Variants in ATRN observed in about 807,000 individuals in gnomAD.
The protein encoded by ATRN is attractin-2.
ATRN carries 54 observed loss-of-function variants against 178.7 expected under a neutral mutation model. The ratio of observed to expected loss-of-function variants is 0.30; its 90% CI spans 0.24 to 0.38. ATRN has a LOEUF of 0.38. ATRN is among the 10% of genes least tolerant of loss of function. ATRN has a pLI of 1.00. For synonymous variants in ATRN, 636 were observed against 663.0 expected (o/e 0.96, Z 0.63); for missense variants, 1,443 against 1,815.1 (o/e 0.79, Z 3.73).
intron 21 of ATRN, 67 bp downstream of exon 21, chr20:3,596,496 G>T: frequency 6.9e-7 from 1 of 1,457,472 alleles, no homozygotes; most frequent in Non-Finnish European, 9.6e-7. Flanking sequence ...TGTTTAAACG[G>T]GTTTGAGAAT....
intron 24 of ATRN, among the ~76,000 whole-genome samples, chr20:3,613,359 C>T (rs2086792853): frequency 6.6e-6 from 1 of 152,192 alleles, no homozygotes. Context: ...CACTGGTTCT[C>T]TCTGCTTTGG....
intron 16 of ATRN, 43 bp downstream of exon 16, chr20:3,582,397 G>A (rs751988768): frequency 6.4e-7 from 1 of 1,566,234 alleles, no homozygotes; most frequent in Non-Finnish European, 8.8e-7. Context: ...AGTTTATTGT[G>A]AGAGAAACCA....
chr20:3,553,221 G>C (rs1600100741), intron 6 of ATRN, among the ~76,000 whole-genome samples: 1 of 151,902 alleles, frequency 6.6e-6, no homozygotes. Context: ...TGTTATACTA[G>C]ATGTTATGAA....
chr20:3,572,700 G>A, intron 11 of ATRN, 31 bp from the exon 12 acceptor site: 1 of 1,561,960 alleles, frequency 6.4e-7, no homozygotes, highest in Non-Finnish European at 8.8e-7. Context: ...TGAGTCTCTA[G>A]TAAATTTCTT....
intron 2 of ATRN, 50 bp from the exon 3 acceptor site, chr20:3,540,172 C>A: frequency 9.4e-7 from 1 of 1,063,746 alleles, no homozygotes; most frequent in Non-Finnish European, 1.4e-6. Context: ...TCTCAAATGT[C>A]TGATAGTTGT....
intron 1 of ATRN, among the ~76,000 whole-genome samples, chr20:3,504,306 G>T (rs909187515): frequency 2.0e-5 from 3 of 152,066 alleles, no homozygotes; most frequent in African/African-American, 7.2e-5. Flanking sequence ...GAAAGGAAAT[G>T]ATAGTAGAAG....
chr20:3,608,953 G>A (rs1387145854), intron 24 of ATRN, among the ~76,000 whole-genome samples: 1 of 142,110 alleles, frequency 7.0e-6, no homozygotes, highest in East Asian at 2.0e-4. Context: ...GGCAAACAAA[G>A]CGAGACTCTG....
At chr20:3,508,798 T>C (rs558659641) in intron 1 of ATRN, among the ~76,000 whole-genome samples, 5 of 152,238 alleles carry the variant, frequency 3.3e-5, no homozygotes, top group African/African-American at 9.6e-5. Flanking sequence ...AATTGAAATA[T>C]ACACCAACAA....
chr20:3,573,033 A>T, intron 12 of ATRN, 82 bp downstream of exon 12: 1 of 1,230,392 alleles, frequency 8.1e-7, no homozygotes, highest in Non-Finnish European at 1.1e-6. Flanking sequence ...TAGCATATGT[A>T]TACTTTTTAT....
At chr20:3,577,833 G>A (rs6037625) in intron 14 of ATRN, among the ~76,000 whole-genome samples, 7,566 of 152,230 alleles carry the variant, frequency 0.05, 576 homozygotes, top group African/African-American at 0.17. Context: ...GTCTTTGTCT[G>A]TTCTTAAATG....
intron 22 of ATRN, among the ~76,000 whole-genome samples, chr20:3,600,228 T>C (rs1468246362): frequency 1.3e-5 from 2 of 152,196 alleles, no homozygotes; most frequent in African/African-American, 4.8e-5. Context: ...GCAATATCTT[T>C]ATTAGTCATT....
At chr20:3,578,816 T>A in intron 15 of ATRN, 44 bp downstream of exon 15, 1 of 1,560,752 alleles carries the variant, frequency 6.4e-7, no homozygotes, top group Non-Finnish European at 8.7e-7. Context: ...TTATCCACCT[T>A]TCTACCAAGG....
intron 11 of ATRN, 150 bp from the exon 12 acceptor site, chr20:3,572,581 C>T (rs1568737516): frequency 1.6e-6 from 1 of 613,430 alleles, no homozygotes; most frequent in Non-Finnish European, 2.8e-6. Flanking sequence ...ACTCAGGAGG[C>T]TGAGGCGAGA....
intron 1 of ATRN, among the ~76,000 whole-genome samples, chr20:3,521,020 A>G (rs912630744): frequency 6.6e-6 from 1 of 152,170 alleles, no homozygotes; most frequent in Non-Finnish European, 1.5e-5. Context: ...GAAACACCGC[A>G]TGTTCTTGTA....
intron 1 of ATRN, among the ~76,000 whole-genome samples, chr20:3,528,743 TAATAAC>T (rs2085409372): frequency 6.6e-6 from 1 of 151,978 alleles, no homozygotes. Context: ...AGGGCAAAAA[TAATAAC>T]AAGCACATTA....
intron 11 of ATRN, among the ~76,000 whole-genome samples, chr20:3,566,750 C>G (rs1037489032): frequency 1.3e-5 from 2 of 151,828 alleles, no homozygotes; most frequent in Non-Finnish European, 2.9e-5. Context: ...TCCTAAAATA[C>G]AAAACAATTA....
At chr20:3,636,737 C>A (rs1251593235) in intron 26 of ATRN, among the ~76,000 whole-genome samples, 1 of 152,198 alleles carries the variant, frequency 6.6e-6, no homozygotes, top group Non-Finnish European at 1.5e-5. Context: ...AAGTGACTTA[C>A]ACCACATAGT....
chr20:3,614,269 G>T (rs1170922395), intron 24 of ATRN, among the ~76,000 whole-genome samples: 2 of 152,118 alleles, frequency 1.3e-5, no homozygotes, highest in African/African-American at 2.4e-5. Flanking sequence ...GGGCTCAGCC[G>T]GCTTCAGCTA....
chr20:3,507,385 C>T (rs889709750), intron 1 of ATRN, among the ~76,000 whole-genome samples: 6 of 144,424 alleles, frequency 4.2e-5, no homozygotes, highest in East Asian at 4.1e-4. Context: ...CTCCAGCCTG[C>T]GACAGAGCGA....
Sources: allele counts gnomAD v4.1 joint callset (sites outside exome capture counted in the v4.1 genomes callset), GRCh38; gene constraint gnomAD v4.1.1; transcripts MANE v1.5; gene names NCBI Gene and HGNC (gene_info 2026-07-23, HGNC 2026-07-21).